Variants in MLLT3 observed in about 807,000 individuals in gnomAD.
MLLT3 encodes the protein MLLT3 super elongation complex subunit, also known as protein AF-9.
Under a neutral mutation model 53.2 loss-of-function variants are expected in MLLT3, and 4 were observed. That is an observed-to-expected ratio of 0.08 (90% CI 0.04 to 0.17). The LOEUF (loss-of-function observed/expected upper bound fraction) is 0.17. Among genes scored for constraint, MLLT3 ranks in the 10% least tolerant of loss-of-function variants. MLLT3 has a pLI of 1.00. For missense variants in MLLT3, 569 were observed against 684.0 expected (o/e 0.83, Z 1.87); for synonymous variants, 283 against 230.6 (o/e 1.23, Z -2.06).
At chr9:20,530,821 G>C (rs981456492) in intron 2 of MLLT3, among the ~76,000 whole-genome samples, 10 of 152,038 alleles carry the variant, frequency 6.6e-5, no homozygotes, top group Non-Finnish European at 1.3e-4. Context: ...AGTAGAAATG[G>C]GGTTTCACTA....
At chr9:20,495,564 T>C (rs551373036) in intron 2 of MLLT3, among the ~76,000 whole-genome samples, 13 of 152,182 alleles carry the variant, frequency 8.5e-5, no homozygotes, top group Admixed American at 1.3e-4. Context: ...TTAGAAAACG[T>C]GTGTGGCTGA....
At chr9:20,468,767 C>T (rs568453245) in intron 2 of MLLT3, among the ~76,000 whole-genome samples, 16 of 152,218 alleles carry the variant, frequency 1.1e-4, no homozygotes, top group Middle Eastern at 3.4e-3. Context: ...TTCAAAGGAC[C>T]GACGTCATAT....
rs536948239 is a variant in MLLT3 at position 20,447,945 on chromosome 9, T to C, written c.420+178A>G. Among the ~76,000 whole-genome samples the C allele has an allele frequency of 5.3e-5, 8 of 152,284 alleles. No individual in the cohort carries two copies. The South Asian group carries it at 8.3e-4, about 16-fold the overall frequency. ...AAACTTAAGCCTATCTAAAATATTA[T>C]TGTCTACCTGTTCATCTCAACACAT... is the stretch of plus-strand genomic sequence containing the variant. On this transcript the variant is annotated intron_variant, in intron 4 of 10. Coordinates refer to ENST00000380338, the MANE Select transcript of MLLT3 (RefSeq NM_004529.4).
chr9:20,607,575 T>C (rs1189309438), intron 2 of MLLT3, among the ~76,000 whole-genome samples: 2 of 152,112 alleles, frequency 1.3e-5, no homozygotes, highest in African/African-American at 4.8e-5. Flanking sequence ...AATACCCAGA[T>C]CATAAACATC....
intron 5 of MLLT3, among the ~76,000 whole-genome samples, chr9:20,366,275 C>A (rs930326718): frequency 1.3e-5 from 2 of 152,136 alleles, no homozygotes; most frequent in African/African-American, 4.8e-5. Flanking sequence ...TTCAACTCTT[C>A]ACTTATGAGA....
chr9:20,539,964 T>C (rs1818584555), intron 2 of MLLT3, among the ~76,000 whole-genome samples: 1 of 152,184 alleles, frequency 6.6e-6, no homozygotes, highest in Non-Finnish European at 1.5e-5. Context: ...ATTGGGTAAA[T>C]GCTCCCATTC....
intron 2 of MLLT3, among the ~76,000 whole-genome samples, chr9:20,518,583 T>A (rs996827842): frequency 2.0e-5 from 3 of 152,138 alleles, no homozygotes; most frequent in African/African-American, 7.2e-5. Context: ...ATCATAAAGA[T>A]AAAATAAAAT....
intron 2 of MLLT3, among the ~76,000 whole-genome samples, chr9:20,458,498 T>C (rs1824026976): frequency 6.6e-6 from 1 of 152,174 alleles, no homozygotes; most frequent in African/African-American, 2.4e-5. Context: ...ATGTTTGTAT[T>C]CCCCTAAACC....
intron 2 of MLLT3, among the ~76,000 whole-genome samples, chr9:20,561,050 G>A (rs1819196343): frequency 6.6e-6 from 1 of 152,102 alleles, no homozygotes; most frequent in Non-Finnish European, 1.5e-5. Context: ...AAAAGCAAAG[G>A]GACCAGGGAA....
At chr9:20,450,613 C>G (rs571570515) in intron 3 of MLLT3, among the ~76,000 whole-genome samples, 2 of 152,180 alleles carry the variant, frequency 1.3e-5, no homozygotes, top group Non-Finnish European at 2.9e-5. Context: ...AATGTCCTCC[C>G]TCCCAGCATA....
intron 4 of MLLT3, among the ~76,000 whole-genome samples, chr9:20,440,214 C>T (rs932938787): frequency 2.0e-5 from 3 of 152,122 alleles, no homozygotes; most frequent in African/African-American, 7.2e-5. Context: ...AGCAGCAGAT[C>T]CTACAATTGA....
rs546265328 is a variant in MLLT3 at position 20,362,279 on chromosome 9, T to A, written c.1331+1197A>T. On this transcript the variant is annotated intron_variant, in intron 7 of 10. Transcript: ENST00000380338. Reference sequence around the variant, plus strand: ...CAGCAATAAGTAGGTGGGCAACAACTAATCACAGAATATCCAGATATTCTA... The same window carrying A: ...CAGCAATAAGTAGGTGGGCAACAACAAATCACAGAATATCCAGATATTCTA... Among the ~76,000 whole-genome samples the A allele has an allele frequency of 2.0e-4, 31 of 152,280 alleles. No individual in the cohort carries two copies. In the South Asian group the frequency reaches 5.8e-3, roughly 29 times the overall value.
rs1820999158 is a variant in MLLT3 at position 20,621,266 on chromosome 9, G to A, written c.13-432C>T. 6.6e-6 allele frequency among the ~76,000 whole-genome samples: 1 copy of A among 152,194 alleles called. No individual in the cohort carries two copies. The highest frequency in any genetic ancestry group is 6.5e-5 in the Admixed American group (1 of 15,290). On this transcript the variant is annotated intron_variant, in intron 1 of 10. Transcript: ENST00000380338. The surrounding 1 kb of genome is among the most constrained non-coding windows in gnomAD (Gnocchi z 7.0). ...AGGGCTCCTGGCGAGCCCCCTCCCC[G>A]AAAGTACCGCGGCGACAGGCACACG...
intron 4 of MLLT3, among the ~76,000 whole-genome samples, chr9:20,441,566 A>C (rs1390086656): frequency 2.0e-5 from 3 of 152,160 alleles, no homozygotes; most frequent in Admixed American, 6.6e-5. Flanking sequence ...ATTAGCTTCT[A>C]AGAAATAACC....
At position 20,448,043 on chromosome 9, in the gene MLLT3, G is replaced by C. The variant is rs563868428; in HGVS notation, c.420+80C>G. On this transcript the variant is annotated intron_variant, in intron 4 of 10. Coordinates refer to ENST00000380338, the MANE Select transcript of MLLT3 (RefSeq NM_004529.4). The surrounding 1 kb of genome is among the most constrained non-coding windows in gnomAD (Gnocchi z 4.0). ...CAAAACCTTATACTTTTTAACACAT[G>C]AGGAACTAGTTTGTTTGTTTTTTTT... is the stretch of plus-strand genomic sequence containing the variant. The C allele has an allele frequency of 3.4e-6, 5 of 1,462,882 alleles. No individual in the cohort carries two copies. In the South Asian group the frequency reaches 6.5e-5, roughly 19 times the overall value. 90.6% of individuals were successfully genotyped at this position (1,462,882 alleles called of 1,614,324 possible).
At chr9:20,464,012 T>C (rs1226218351) in intron 2 of MLLT3, among the ~76,000 whole-genome samples, 1 of 151,926 alleles carries the variant, frequency 6.6e-6, no homozygotes, top group African/African-American at 2.4e-5. Flanking sequence ...AAATAAAATA[T>C]ATAAAAAACC....
chr9:20,563,435 C>A (rs976236298), intron 2 of MLLT3, among the ~76,000 whole-genome samples: 4 of 152,012 alleles, frequency 2.6e-5, no homozygotes, highest in African/African-American at 9.7e-5. Context: ...ATTGAAACAG[C>A]CTTTTCCTTT....
At chr9:20,505,229 A>G (rs1243608224) in intron 2 of MLLT3, among the ~76,000 whole-genome samples, 1 of 152,240 alleles carries the variant, frequency 6.6e-6, no homozygotes, top group African/African-American at 2.4e-5. Flanking sequence ...CCAAGATGAC[A>G]GTGATTTTAA....
At chr9:20,609,814 T>C (rs1820654810) in intron 2 of MLLT3, among the ~76,000 whole-genome samples, 1 of 152,148 alleles carries the variant, frequency 6.6e-6, no homozygotes, top group Admixed American at 6.6e-5. Flanking sequence ...CCCATTTCAC[T>C]GTCCATTCAC....
Sources: allele counts gnomAD v4.1 joint callset (sites outside exome capture counted in the v4.1 genomes callset), GRCh38; gene constraint gnomAD v4.1.1; non-coding constraint Gnocchi (gnomAD v3.1); transcripts MANE v1.5; gene names NCBI Gene and HGNC (gene_info 2026-07-23, HGNC 2026-07-21).